The following SCFD2 variants were observed in gnomAD, a reference collection of about 807,000 sequenced individuals.
The protein encoded by SCFD2 is sec1 family domain-containing protein 2.
Under a neutral mutation model 58.9 loss-of-function variants are expected in SCFD2, and 54 were observed. That is an observed-to-expected ratio of 0.92 (90% confidence interval 0.74 to 1.15). SCFD2 has a LOEUF of 1.15. Ranked by LOEUF, SCFD2 falls within the 50% of genes most tolerant of loss-of-function variation. SCFD2 has a pLI of 0.00. For synonymous variants in SCFD2, 321 were observed against 335.9 expected, an observed-to-expected ratio of 0.96 and a Z score of 0.49; for missense variants, 805 against 836.6, an observed-to-expected ratio of 0.96 and a Z score of 0.47.
chr4:52,880,156 G>T (rs1718572700), intron 8 of SCFD2, among the ~76,000 whole-genome samples: 2 of 152,182 alleles, frequency 1.3e-5, no homozygotes, highest in Admixed American at 1.3e-4. Flanking sequence ...GCTCTCAGAA[G>T]ATCTGAAGTG....
intron 4 of SCFD2, among the ~76,000 whole-genome samples, chr4:53,146,787 A>G (rs1300429209): frequency 6.6e-6 from 1 of 152,156 alleles, no homozygotes; most frequent in Admixed American, 6.5e-5. Context: ...TTAGTATAGT[A>G]TATTATTATA....
intron 4 of SCFD2, among the ~76,000 whole-genome samples, chr4:53,161,564 T>G (rs1321321778): frequency 1.3e-5 from 2 of 152,364 alleles, no homozygotes; most frequent in Non-Finnish European, 1.5e-5. Context: ...AAGGGAGATA[T>G]AAACTTTTTT....
intron 5 of SCFD2, among the ~76,000 whole-genome samples, chr4:53,040,555 T>C (rs1335833298): frequency 6.6e-6 from 1 of 152,130 alleles, no homozygotes; most frequent in Non-Finnish European, 1.5e-5. Context: ...AAATGGAAAG[T>C]ACCTAGCCAT....
At chr4:53,298,668 C>G (rs1251322314) in intron 3 of SCFD2, among the ~76,000 whole-genome samples, 2 of 152,164 alleles carry the variant, frequency 1.3e-5, no homozygotes, top group East Asian at 1.9e-4. Flanking sequence ...CCTTGACCCC[C>G]GAGTAGCCTA....
chr4:52,981,858 A>G (rs889579320), intron 5 of SCFD2, among the ~76,000 whole-genome samples: 1 of 152,236 alleles, frequency 6.6e-6, no homozygotes, highest in African/African-American at 2.4e-5. Context: ...GTTATCAAAT[A>G]TAAATACACT....
intron 5 of SCFD2, among the ~76,000 whole-genome samples, chr4:53,079,784 C>A (rs1335549159): frequency 6.6e-6 from 1 of 152,162 alleles, no homozygotes; most frequent in Non-Finnish European, 1.5e-5. Context: ...TATCCAATTG[C>A]AAGTCCTCAA....
chr4:52,881,391 A>C (rs1014117791), intron 8 of SCFD2, among the ~76,000 whole-genome samples: 1 of 152,208 alleles, frequency 6.6e-6, no homozygotes, highest in African/African-American at 2.4e-5. Context: ...ACTAGCACCC[A>C]TCTATGTCTG....
intron 4 of SCFD2, among the ~76,000 whole-genome samples, chr4:53,261,662 C>G (rs1730832440): frequency 2.0e-5 from 3 of 152,050 alleles, no homozygotes; most frequent in African/African-American, 7.2e-5. Flanking sequence ...TCTTGGAGAA[C>G]ATTCCATGTG....
intron 5 of SCFD2, among the ~76,000 whole-genome samples, chr4:53,099,078 G>T (rs1007735684): frequency 6.6e-6 from 1 of 152,106 alleles, no homozygotes; most frequent in Admixed American, 6.6e-5. Flanking sequence ...ACAGTGTCTG[G>T]CGCTCAGTAA....
At chr4:53,173,444 T>A (rs1727237723) in intron 4 of SCFD2, among the ~76,000 whole-genome samples, 1 of 151,988 alleles carries the variant, frequency 6.6e-6, no homozygotes, top group Admixed American at 6.6e-5. Flanking sequence ...TCTTTTTCCA[T>A]CCCTTCACTA....
chr4:53,177,008 AT>A (rs565811699), intron 4 of SCFD2, among the ~76,000 whole-genome samples: 52 of 151,982 alleles, frequency 3.4e-4, no homozygotes, highest in Admixed American at 3.9e-4. Flanking sequence ...ACAGGTAGAC[AT>A]CATGAAATCA....
chr4:53,070,798 T>C (rs969604623), intron 5 of SCFD2, among the ~76,000 whole-genome samples: 1 of 152,084 alleles, frequency 6.6e-6, no homozygotes, highest in Admixed American at 6.6e-5. Flanking sequence ...GGTTTATACA[T>C]TAAAATACAT....
At chr4:52,916,877 T>G (rs565172427) in intron 6 of SCFD2, among the ~76,000 whole-genome samples, 47 of 152,282 alleles carry the variant, frequency 3.1e-4, no homozygotes, top group Non-Finnish European at 5.7e-4. Context: ...GCTGTCTAGG[T>G]GTCAGATACT....
At chr4:52,904,512 G>A (rs575531791) in intron 7 of SCFD2, among the ~76,000 whole-genome samples, 4 of 152,186 alleles carry the variant, frequency 2.6e-5, no homozygotes, top group Non-Finnish European at 5.9e-5. Context: ...ATTCTCCTGG[G>A]GAGCGCTGCC....
chr4:52,994,165 A>G (rs1721688476), intron 5 of SCFD2, among the ~76,000 whole-genome samples: 1 of 152,244 alleles, frequency 6.6e-6, no homozygotes, highest in South Asian at 2.1e-4. Flanking sequence ...GATCACAGCC[A>G]GGTGTTCCTG....
chr4:53,140,569 G>A (rs1283435276), intron 5 of SCFD2, among the ~76,000 whole-genome samples: 1 of 151,774 alleles, frequency 6.6e-6, no homozygotes, highest in Non-Finnish European at 1.5e-5. Context: ...TAAAGAGGAT[G>A]CATTCATAAA....
chr4:53,004,224 A>G (rs1457073555), intron 5 of SCFD2, among the ~76,000 whole-genome samples: 6 of 152,214 alleles, frequency 3.9e-5, no homozygotes, highest in Non-Finnish European at 8.8e-5. Flanking sequence ...GCTGTAGTCT[A>G]GAGCTGCCCA....
chr4:52,922,288 A>C (rs537317793), intron 5 of SCFD2, among the ~76,000 whole-genome samples: 48 of 152,244 alleles, frequency 3.2e-4, no homozygotes, highest in Middle Eastern at 6.8e-3. Context: ...TCACCACCAC[A>C]ATTTTATAAC....
At chr4:52,915,677 A>C (rs926154318) in intron 6 of SCFD2, among the ~76,000 whole-genome samples, 1 of 152,220 alleles carries the variant, frequency 6.6e-6, no homozygotes, top group Non-Finnish European at 1.5e-5. Flanking sequence ...ATTCAATATG[A>C]GGAAGGTGAA....
Sources: gnomAD v4.1 joint callset for allele counts (sites outside exome capture counted in the v4.1 genomes callset) on GRCh38, gnomAD v4.1.1 for gene constraint, MANE v1.5 for transcripts, NCBI Gene and HGNC (gene_info 2026-07-23, HGNC 2026-07-21) for gene names.